The following GLI3 variants were observed in gnomAD, a reference collection of about 807,000 sequenced individuals.
GLI3 encodes the protein GLI family zinc finger 3.
In GLI3, 20 loss-of-function variants were observed where a neutral mutation model predicts 100.8. The observed-to-expected ratio is 0.20, with a 90% CI of 0.14 to 0.29. The LOEUF (loss-of-function observed/expected upper bound fraction) is 0.29. Ranked by LOEUF, GLI3 falls within the 10% of genes least tolerant of loss-of-function variation. The pLI is 1.00. For missense variants in GLI3, 2,040 were observed against 2,128.5 expected (o/e 0.96, Z 0.82); for synonymous variants, 938 against 860.5 (o/e 1.09, Z -1.58).
chr7:42,022,417 A>C (rs1788969497), intron 10 of GLI3, among the ~76,000 whole-genome samples: 1 of 152,210 alleles, frequency 6.6e-6, no homozygotes, highest in African/African-American at 2.4e-5. Context: ...AGGGTTATCA[A>C]GAAACATGAA....
chr7:42,185,828 A>G (rs55660531), intron 2 of GLI3, among the ~76,000 whole-genome samples: 19,337 of 152,260 alleles, frequency 0.13, 1,608 homozygotes, highest in Non-Finnish European at 0.19. Flanking sequence ...TGGGTTGACC[A>G]TTTATACAAA....
intron 2 of GLI3, among the ~76,000 whole-genome samples, chr7:42,160,392 T>G (rs1248139005): frequency 1.3e-5 from 2 of 152,206 alleles, no homozygotes; most frequent in Non-Finnish European, 2.9e-5. Flanking sequence ...TGAGATATCT[T>G]GGGGATAGGA....
At chr7:42,252,832 T>G (rs988040563) in intron 1 of GLI3, among the ~76,000 whole-genome samples, 3 of 151,740 alleles carry the variant, frequency 2.0e-5, no homozygotes, top group Non-Finnish European at 4.4e-5. Context: ...CAATTAAGAG[T>G]TTTTAATGTC....
intron 4 of GLI3, among the ~76,000 whole-genome samples, chr7:42,066,703 A>G (rs918660969): frequency 1.3e-5 from 2 of 152,218 alleles, no homozygotes; most frequent in Non-Finnish European, 2.9e-5. Context: ...GCGAGAATGG[A>G]GCCTAGCATG....
chr7:41,983,171 A>G (rs1447771062), intron 10 of GLI3, among the ~76,000 whole-genome samples: 1 of 152,246 alleles, frequency 6.6e-6, no homozygotes, highest in Admixed American at 6.5e-5. Context: ...CCCAAAGTGG[A>G]TGAGCTCTGT....
chr7:42,257,511 A>G (rs1457733048), intron 1 of GLI3, among the ~76,000 whole-genome samples: 2 of 151,996 alleles, frequency 1.3e-5, no homozygotes, highest in Non-Finnish European at 2.9e-5. Context: ...CACGTGGCTA[A>G]TTTCTTGTAT....
intron 1 of GLI3, among the ~76,000 whole-genome samples, chr7:42,228,464 G>A (rs1788629406): frequency 1.3e-5 from 2 of 152,222 alleles, no homozygotes; most frequent in South Asian, 4.1e-4. Flanking sequence ...GAAGCGGTCT[G>A]TATCAAGGCG....
At chr7:42,133,666 T>C (rs1786351603) in intron 3 of GLI3, among the ~76,000 whole-genome samples, 1 of 148,680 alleles carries the variant, frequency 6.7e-6, no homozygotes. Context: ...AAACTGTGCC[T>C]TAGAGTCTTG....
intron 2 of GLI3, among the ~76,000 whole-genome samples, chr7:42,156,239 G>A (rs1260175799): frequency 6.6e-6 from 1 of 152,166 alleles, no homozygotes; most frequent in Non-Finnish European, 1.5e-5. Flanking sequence ...TCAAGCTCTT[G>A]CCAAGACTCT....
chr7:42,195,797 A>G lies in GLI3; in HGVS notation c.124+27333T>C, dbSNP rs118122822. Among the ~76,000 whole-genome samples the G allele has an allele frequency of 3.1e-3, 476 of 152,364 alleles. 9 individuals carry two copies. The East Asian group carries it at 0.045, about 14-fold the overall frequency. On this transcript the variant is annotated intron_variant, in intron 2 of 14. Transcript: ENST00000395925. ...TACATGAAAAATACCTACTGAATGC[A>G]TGAATTAATGGGTGGATGGACAGAT... is the stretch of plus-strand genomic sequence containing the variant.
Position 41,965,262 on chromosome 7 carries a change from C to G in GLI3, c.3811G>C (p.Ala1271Pro), listed in dbSNP as rs754881398. The change falls in exon 15 of 15, where the codon GCC (alanine) becomes CCC (proline). Residue 1271 changes from alanine (A) to proline (P), a missense_variant. This residue lies in a region of GLI3 where 1,041 missense variants were observed against 924.0 expected (regional missense o/e 1.13). Transcript: ENST00000395925. Reference sequence around the variant, plus strand: ...GAGGCTTGAATCCCGGCACCACAGGCACCGTCGAGTGCACCAGGGGCCACT... The same window carrying G: ...GAGGCTTGAATCCCGGCACCACAGGGACCGTCGAGTGCACCAGGGGCCACT... Reference protein sequence around the residue: ...QPVAPGALDGACGAGIQASKL... With the variant: ...QPVAPGALDGPCGAGIQASKL... 6.2e-7 allele frequency: 1 copy of G among 1,613,668 alleles called. No individual in the cohort carries two copies. Among genetic ancestry groups the G allele is most frequent in the South Asian group, 1.1e-5 (1 of 91,066 alleles).
chr7:42,197,325 C>A (rs975885451), intron 2 of GLI3, among the ~76,000 whole-genome samples: 3 of 152,160 alleles, frequency 2.0e-5, no homozygotes, highest in Admixed American at 1.3e-4. Flanking sequence ...CAATACCAAC[C>A]AATAGGCCTC....
At chr7:42,144,368 C>T (rs898863368) in intron 3 of GLI3, among the ~76,000 whole-genome samples, 1 of 152,174 alleles carries the variant, frequency 6.6e-6, no homozygotes, top group Non-Finnish European at 1.5e-5. Context: ...AGCCTGTCAA[C>T]ACCACGCCAT....
intron 1 of GLI3, among the ~76,000 whole-genome samples, chr7:42,252,456 A>C (rs935964206): frequency 2.0e-5 from 3 of 152,174 alleles, no homozygotes; most frequent in Non-Finnish European, 2.9e-5. Flanking sequence ...TATAAATAAC[A>C]AACCTGCACA....
chr7:42,200,182 T>C (rs73096315), intron 2 of GLI3, among the ~76,000 whole-genome samples: 1 of 152,216 alleles, frequency 6.6e-6, no homozygotes, highest in Non-Finnish European at 1.5e-5. Context: ...GTCATGGAGG[T>C]CACGGAGAGT....
At chr7:42,264,069 G>C in exon 1 of GLI3, among the ~76,000 whole-genome samples, 1 of 152,192 alleles carries the variant, frequency 6.6e-6, no homozygotes, top group East Asian at 1.9e-4. Flanking sequence ...ATGGTCATGA[G>C]ATGGGCTGTC....
At chr7:42,228,803 A>C (rs1009594572) in intron 1 of GLI3, among the ~76,000 whole-genome samples, 4 of 152,160 alleles carry the variant, frequency 2.6e-5, no homozygotes, top group Non-Finnish European at 4.4e-5. Context: ...CCATACATAG[A>C]TTCAAGTGCT....
intron 3 of GLI3, among the ~76,000 whole-genome samples, chr7:42,097,112 TAGA>T (rs1267096555): frequency 6.6e-6 from 1 of 152,118 alleles, no homozygotes; most frequent in African/African-American, 2.4e-5. Flanking sequence ...CAGACAGAGA[TAGA>T]AGGAGTTAAC....
At chr7:42,112,049 T>TG (rs1785721550) in intron 3 of GLI3, among the ~76,000 whole-genome samples, 2 of 152,286 alleles carry the variant, frequency 1.3e-5, no homozygotes, top group Admixed American at 1.3e-4. Flanking sequence ...GACAAAAAAG[T>TG]GTGCCAGATG....
Sources: gnomAD v4.1 joint callset for allele counts (sites outside exome capture counted in the v4.1 genomes callset) on GRCh38, gnomAD v4.1.1 for gene constraint, gnomAD v4.1.1 regional missense constraint, MANE v1.5 for transcripts, NCBI Gene and HGNC (gene_info 2026-07-23, HGNC 2026-07-21) for gene names.